Variants in LHFPL3 observed in about 807,000 individuals in gnomAD.
LHFPL3 encodes LHFPL tetraspan subfamily member 3 protein.
Under a neutral mutation model 19.3 loss-of-function variants are expected in LHFPL3, and 5 were observed. That is an observed-to-expected ratio of 0.26 (90% confidence interval 0.14 to 0.54). The LOEUF (loss-of-function observed/expected upper bound fraction) is 0.54, where lower values mean the gene tolerates loss of function less well. LHFPL3 is among the 20% of genes least tolerant of loss of function. The pLI, the probability that LHFPL3 is intolerant of heterozygous loss-of-function variation, is 0.94. For missense variants in LHFPL3, 249 were observed against 307.4 expected (o/e 0.81, Z 1.42); for synonymous variants, 133 against 126.2 (o/e 1.05, Z -0.36).
At chr7:104,656,334 G>A (rs1409897134) in intron 1 of LHFPL3, among the ~76,000 whole-genome samples, 3 of 152,158 alleles carry the variant, frequency 2.0e-5, no homozygotes, top group Non-Finnish European at 2.9e-5. Flanking sequence ...TGAGGCCTGA[G>A]GAGGCCTGGT....
chr7:104,860,186 AC>A (rs1791592945), intron 2 of LHFPL3, among the ~76,000 whole-genome samples: 9 of 149,112 alleles, frequency 6.0e-5, no homozygotes, highest in Middle Eastern at 6.9e-3. Flanking sequence ...ACCCACACAC[AC>A]ACACACACAC....
chr7:104,629,339 G>A (rs1791600785), intron 1 of LHFPL3, among the ~76,000 whole-genome samples: 1 of 152,052 alleles, frequency 6.6e-6, no homozygotes, highest in South Asian at 2.1e-4. Flanking sequence ...TGGAAAGTTG[G>A]CTACTAGATT....
intron 1 of LHFPL3, among the ~76,000 whole-genome samples, chr7:104,361,082 T>C (rs144586607): frequency 1.3e-4 from 20 of 152,332 alleles, no homozygotes; most frequent in African/African-American, 4.3e-4. Flanking sequence ...CCATGCTCAG[T>C]CACTTGTGTA....
intron 1 of LHFPL3, among the ~76,000 whole-genome samples, chr7:104,481,065 T>C (rs979669889): frequency 3.3e-5 from 5 of 152,170 alleles, no homozygotes; most frequent in African/African-American, 1.2e-4. Context: ...ACAGTCATCA[T>C]CTATTAAATG....
chr7:104,512,555 G>A (rs975540504), intron 1 of LHFPL3, among the ~76,000 whole-genome samples: 5 of 151,906 alleles, frequency 3.3e-5, no homozygotes, highest in Non-Finnish European at 7.4e-5. Flanking sequence ...GGCCAACATG[G>A]TGAAACCCCG....
At chr7:104,479,120 G>T (rs927803574) in intron 1 of LHFPL3, among the ~76,000 whole-genome samples, 3 of 152,166 alleles carry the variant, frequency 2.0e-5, no homozygotes, top group Admixed American at 1.3e-4. Context: ...AGGACTTCCT[G>T]CTGGAAGAAA....
At chr7:104,624,544 G>T (rs1791508944) in intron 1 of LHFPL3, among the ~76,000 whole-genome samples, 1 of 152,188 alleles carries the variant, frequency 6.6e-6, no homozygotes, top group Non-Finnish European at 1.5e-5. Flanking sequence ...GAAGGACAAG[G>T]TCAGTGAGTG....
intron 1 of LHFPL3, among the ~76,000 whole-genome samples, chr7:104,662,639 G>A (rs1792254938): frequency 6.6e-6 from 1 of 152,134 alleles, no homozygotes; most frequent in Non-Finnish European, 1.5e-5. Flanking sequence ...ACAAATGAGT[G>A]AACAAACAAA....
intron 1 of LHFPL3, among the ~76,000 whole-genome samples, chr7:104,601,708 C>A (rs1790970873): frequency 6.6e-6 from 1 of 152,168 alleles, no homozygotes. Context: ...ACACCAACCA[C>A]AAACTCAGCC....
At chr7:104,428,932 A>G (rs1562894506) in intron 1 of LHFPL3, among the ~76,000 whole-genome samples, 1 of 152,174 alleles carries the variant, frequency 6.6e-6, no homozygotes, top group Non-Finnish European at 1.5e-5. Flanking sequence ...CACTGATGTC[A>G]GGGTTAGGTT....
chr7:104,335,904 A>G (rs1412781467), intron 1 of LHFPL3, among the ~76,000 whole-genome samples: 2 of 151,626 alleles, frequency 1.3e-5, no homozygotes, highest in African/African-American at 2.4e-5. Flanking sequence ...GAGTTCCAGT[A>G]TGTGGCTCAG....
At chr7:104,596,313 T>C (rs1562945582) in intron 1 of LHFPL3, among the ~76,000 whole-genome samples, 1 of 152,318 alleles carries the variant, frequency 6.6e-6, no homozygotes, top group East Asian at 1.9e-4. Context: ...CCAAGTTGAG[T>C]CCAAGACCCA....
At chr7:104,512,068 C>T (rs189108281) in intron 1 of LHFPL3, among the ~76,000 whole-genome samples, 1 of 150,106 alleles carries the variant, frequency 6.7e-6, no homozygotes, top group Non-Finnish European at 1.5e-5. Flanking sequence ...GATTCTCATA[C>T]CTCAGCCACC....
intron 1 of LHFPL3, among the ~76,000 whole-genome samples, chr7:104,351,968 G>A (rs1790183102): frequency 6.6e-6 from 1 of 152,080 alleles, no homozygotes; most frequent in Non-Finnish European, 1.5e-5. Flanking sequence ...GGAGGTCATA[G>A]CGGGAGGATT....
intron 1 of LHFPL3, among the ~76,000 whole-genome samples, chr7:104,417,136 A>G (rs550240173): frequency 6.6e-6 from 1 of 152,356 alleles, no homozygotes; most frequent in East Asian, 1.9e-4. Flanking sequence ...TCTTTACTAA[A>G]AAGCTTTTAA....
At chr7:104,620,518 A>G (rs1791425112) in intron 1 of LHFPL3, among the ~76,000 whole-genome samples, 1 of 152,196 alleles carries the variant, frequency 6.6e-6, no homozygotes, top group Non-Finnish European at 1.5e-5. Flanking sequence ...GAATGCTTTC[A>G]TATATCAACA....
intron 2 of LHFPL3, among the ~76,000 whole-genome samples, chr7:104,849,221 G>C (rs1791369785): frequency 6.6e-6 from 1 of 152,166 alleles, no homozygotes; most frequent in Non-Finnish European, 1.5e-5. Context: ...GTGAGCCACT[G>C]TGCCCAGCCA....
chr7:104,463,401 C>G (rs1385980657), intron 1 of LHFPL3, among the ~76,000 whole-genome samples: 3 of 152,160 alleles, frequency 2.0e-5, no homozygotes, highest in African/African-American at 7.2e-5. Flanking sequence ...TTAACACTGC[C>G]TTAGCTGTAT....
At chr7:104,632,485 A>G (rs1791661543) in intron 1 of LHFPL3, among the ~76,000 whole-genome samples, 1 of 152,238 alleles carries the variant, frequency 6.6e-6, no homozygotes, top group Admixed American at 6.5e-5. Flanking sequence ...CTAATAGATA[A>G]CCATTATGAA....
Sources: allele counts gnomAD v4.1 joint callset (sites outside exome capture counted in the v4.1 genomes callset), GRCh38; gene constraint gnomAD v4.1.1; transcripts MANE v1.5; gene names NCBI Gene and HGNC (gene_info 2026-07-23, HGNC 2026-07-21).